ACVR1: variants seen among roughly 807,000 people sequenced by gnomAD.
The protein encoded by ACVR1 is activin A receptor type 1, also known as activin receptor type-1.
Under a neutral mutation model 57.1 loss-of-function variants are expected in ACVR1, and 38 were observed. That is an observed-to-expected ratio of 0.67 (90% CI 0.51 to 0.87). The LOEUF (loss-of-function observed/expected upper bound fraction) is 0.87. Among genes scored for constraint, ACVR1 ranks in the 40% least tolerant of loss-of-function variants. The probability of loss-of-function intolerance (pLI) is 0.00; values close to 1 mark genes in which losing one functional copy is unlikely to be tolerated. For missense variants in ACVR1, 463 were observed against 638.2 expected (o/e 0.73, Z 2.96); for synonymous variants, 212 against 228.1 (o/e 0.93, Z 0.63).
intron 1 of ACVR1, among the ~76,000 whole-genome samples, chr2:157,874,692 T>C (rs1354071365): frequency 6.6e-6 from 1 of 152,224 alleles, no homozygotes; most frequent in Non-Finnish European, 1.5e-5. Flanking sequence ...TCTGCATCTC[T>C]GGGACAGGAT....
chr2:157,811,295 C>T (rs114530633), intron 2 of ACVR1, among the ~76,000 whole-genome samples: 1,594 of 152,270 alleles, frequency 0.01, 13 homozygotes, highest in Non-Finnish European at 0.018. Context: ...TTCTTAGACT[C>T]GGGAACCACT....
chr2:157,795,778 C>G (rs1006612738), intron 3 of ACVR1, among the ~76,000 whole-genome samples: 3 of 152,124 alleles, frequency 2.0e-5, no homozygotes, highest in African/African-American at 7.2e-5. Context: ...AGCATTGCTC[C>G]ATAACTGCCC....
intron 1 of ACVR1, among the ~76,000 whole-genome samples, chr2:157,837,868 G>A (rs13398650): frequency 0.22 from 33,644 of 152,072 alleles, 7,062 homozygotes; most frequent in African/African-American, 0.55. Context: ...GTCATTGAAC[G>A]TGGACTCTTG....
At chr2:157,859,016 G>T (rs1472580458) in intron 1 of ACVR1, among the ~76,000 whole-genome samples, 1 of 152,248 alleles carries the variant, frequency 6.6e-6, no homozygotes, top group African/African-American at 2.4e-5. Context: ...ACACCTTCCT[G>T]TTCTGTTATG....
At chr2:157,833,057 C>G (rs1688643263) in intron 1 of ACVR1, among the ~76,000 whole-genome samples, 1 of 152,128 alleles carries the variant, frequency 6.6e-6, no homozygotes, top group Non-Finnish European at 1.5e-5. Flanking sequence ...TGTGTATAAA[C>G]CCACACATAT....
intron 9 of ACVR1, among the ~76,000 whole-genome samples, chr2:157,747,009 C>T (rs528881110): frequency 9.2e-5 from 14 of 152,246 alleles, no homozygotes; most frequent in Admixed American, 7.8e-4. Flanking sequence ...TTTTTATGCT[C>T]ATGGTTCACT....
intron 1 of ACVR1, among the ~76,000 whole-genome samples, chr2:157,825,701 G>GA (rs1310572827): frequency 6.6e-6 from 1 of 152,118 alleles, no homozygotes; most frequent in Non-Finnish European, 1.5e-5. Context: ...TCCATCCGTA[G>GA]AAAAAATGTC....
At position 157,855,308 on chromosome 2, in the gene ACVR1, G is replaced by GTGTGTATATA. The variant is rs1307480066; in HGVS notation, c.-183+20487_-183+20488insTATATACACA. On this transcript the variant is annotated intron_variant, in intron 1 of 10. Transcript: ENST00000434821. Reference sequence around the variant, plus strand: ...TGTGTGTGTGTGTGTGTGTGTGTGTGTATATATATATATATACACACACAC... The same window carrying GTGTGTATATA: ...TGTGTGTGTGTGTGTGTGTGTGTGTGTGTGTATATATATATATATATATATACACACACAC... Among the ~76,000 whole-genome samples the GTGTGTATATA allele has an allele frequency of 6.6e-3, 342 of 51,560 alleles. 3 individuals are homozygous for GTGTGTATATA. The highest frequency in any genetic ancestry group is 9.9e-3 in the Non-Finnish European group (266 of 26,772). The allele number at this position is 51,560 out of a possible 152,430, so 33.8% of individuals were successfully genotyped here. A position where few individuals can be genotyped will look rare whatever the true frequency, so the allele number is the denominator to read the frequency against.
At chr2:157,819,298 T>A (rs570854080) in intron 1 of ACVR1, 1 of 151,948 alleles carries the variant, frequency 6.6e-6, no homozygotes, top group African/African-American at 2.4e-5. Context: ...CTGGCCAATA[T>A]AGTGAAACCC....
chr2:157,777,766 G>A (rs946366165), intron 5 of ACVR1, among the ~76,000 whole-genome samples: 1 of 152,122 alleles, frequency 6.6e-6, no homozygotes, highest in Non-Finnish European at 1.5e-5. Flanking sequence ...AGCAAAAGGT[G>A]CCTTTTTAAA....
intron 1 of ACVR1, chr2:157,819,372 C>G (rs957756179): frequency 6.6e-6 from 1 of 151,404 alleles, no homozygotes; most frequent in Non-Finnish European, 1.5e-5. Flanking sequence ...CCCAGCTAGT[C>G]GGGAGGCTGA....
chr2:157,843,627 T>C (rs1301693006), intron 1 of ACVR1, among the ~76,000 whole-genome samples: 1 of 152,190 alleles, frequency 6.6e-6, no homozygotes, highest in Non-Finnish European at 1.5e-5. Flanking sequence ...TTACCCATTA[T>C]GTCACAGTCT....
At chr2:157,856,100 C>T (rs1465451481) in intron 1 of ACVR1, among the ~76,000 whole-genome samples, 3 of 151,882 alleles carry the variant, frequency 2.0e-5, no homozygotes, top group Middle Eastern at 3.2e-3. Flanking sequence ...CAAGACTCTA[C>T]GAGACAGATT....
chr2:157,841,308 C>T lies in ACVR1; in HGVS notation c.-182-22749G>A, dbSNP rs996297136. 2.0e-5 allele frequency among the ~76,000 whole-genome samples: 3 copies of T among 152,108 alleles called. No homozygotes were observed. In the South Asian group the frequency reaches 6.2e-4, roughly 32 times the overall value. On this transcript the variant is annotated intron_variant, in intron 1 of 10. Coordinates refer to ENST00000434821, the MANE Select transcript of ACVR1 (RefSeq NM_001111067.4). ...CCACTCACTCTCAACCCTTCTCCTT[C>T]GACAATCACAGGGATTTCAAATCCT...
intron 9 of ACVR1, among the ~76,000 whole-genome samples, chr2:157,757,003 TGA>T (rs1685455936): frequency 7.3e-6 from 1 of 136,694 alleles, no homozygotes; most frequent in African/African-American, 2.9e-5. Context: ...TATATATATT[TGA>T]GATATATATA....
chr2:157,858,335 C>T (rs1689604792), intron 1 of ACVR1, among the ~76,000 whole-genome samples: 2 of 152,058 alleles, frequency 1.3e-5, no homozygotes, highest in Non-Finnish European at 2.9e-5. Context: ...GGTGACAGAT[C>T]CACCCTCTCC....
chr2:157,798,169 T>C (rs539628682), intron 3 of ACVR1, among the ~76,000 whole-genome samples: 2 of 152,256 alleles, frequency 1.3e-5, no homozygotes, highest in Admixed American at 6.5e-5. Context: ...CTTTGTAGAA[T>C]TGAAACCAGC....
chr2:157,764,085 C>T (rs543886586), intron 8 of ACVR1, among the ~76,000 whole-genome samples: 9 of 152,150 alleles, frequency 5.9e-5, no homozygotes, highest in African/African-American at 2.2e-4. Flanking sequence ...CAACTTGAAT[C>T]CTTATTGTTT....
rs191384515 is a variant in ACVR1, at chr2:157,755,707, T to C, written c.1264+5173A>G. 2.2e-4 allele frequency among the ~76,000 whole-genome samples: 33 copies of C among 152,082 alleles called. 1 individual carries two copies. The highest frequency in any genetic ancestry group is 7.7e-4 in the African/African-American group (32 of 41,500). ...AACATATCCCATGCTCATGGATAGG[T>C]AGAATCAATATTGTGAAAGTAACCA... On this transcript the variant is annotated intron_variant, in intron 9 of 10. Coordinates refer to ENST00000434821, the MANE Select transcript of ACVR1 (RefSeq NM_001111067.4).
Sources: gnomAD v4.1 joint callset for allele counts (sites outside exome capture counted in the v4.1 genomes callset) on GRCh38, gnomAD v4.1.1 for gene constraint, MANE v1.5 for transcripts, NCBI Gene and HGNC (gene_info 2026-07-23, HGNC 2026-07-21) for gene names.